Variants in UNC13C observed in about 807,000 individuals in gnomAD.
UNC13C encodes the protein unc-13 homolog C.
In UNC13C, 174 loss-of-function variants were observed where a neutral mutation model predicts 245.4. That is an observed-to-expected ratio of 0.71 (90% CI 0.63 to 0.80). The LOEUF is 0.80. Among genes scored for constraint, UNC13C ranks in the 30% least tolerant of loss-of-function variants. UNC13C has a pLI of 0.00. For synonymous variants in UNC13C, 992 were observed against 895.1 expected (o/e 1.11, Z -1.93); for missense variants, 2,829 against 2,602.9 (o/e 1.09, Z -1.89).
At chr15:54,500,703 G>A (rs1894168410) in intron 21 of UNC13C, 132 bp from the exon 22 acceptor site, 2 of 701,724 alleles carry the variant, frequency 2.9e-6, no homozygotes, top group Admixed American at 3.0e-5. Flanking sequence ...TTTTAAAGTG[G>A]GTAAGCATTT....
chr15:54,551,367 A>G (rs150035055), intron 28 of UNC13C, among the ~76,000 whole-genome samples: 110 of 152,198 alleles, frequency 7.2e-4, no homozygotes, highest in African/African-American at 2.6e-3. Flanking sequence ...TATGATCACC[A>G]TTCCCAAACC....
At chr15:54,484,437 C>T (rs1307382350) in intron 19 of UNC13C, among the ~76,000 whole-genome samples, 2 of 152,230 alleles carry the variant, frequency 1.3e-5, no homozygotes, top group South Asian at 4.2e-4. Context: ...ATTTTAAAAC[C>T]ATGAGCTGAA....
chr15:54,586,113 G>C (rs981126281), intron 30 of UNC13C, among the ~76,000 whole-genome samples: 2 of 152,082 alleles, frequency 1.3e-5, no homozygotes, highest in Admixed American at 6.5e-5. Context: ...CAGTATCCTT[G>C]GGTCTTAAAA....
rs138063877 is a variant in UNC13C at position 54,608,111 on chromosome 15, G to A, written c.6107-14216G>A. ...GGATAAGTCAGAAAACTGAAATCATGTCTATGTATTCCAGGTCTTTTTCCA... is the reference window on the plus strand; with the variant it reads ...GGATAAGTCAGAAAACTGAAATCATATCTATGTATTCCAGGTCTTTTTCCA... On this transcript the variant is annotated intron_variant, in intron 30 of 32. Transcript: ENST00000260323. Among the ~76,000 whole-genome samples the A allele has an allele frequency of 2.1e-3, 316 of 152,082 alleles. 4 individuals carry two copies. The Middle Eastern group carries it at 0.027, about 13-fold the overall frequency.
At chr15:54,006,436 A>T (rs1566943886) in intron 1 of UNC13C, among the ~76,000 whole-genome samples, 2 of 152,154 alleles carry the variant, frequency 1.3e-5, no homozygotes, top group Admixed American at 1.3e-4. Flanking sequence ...TGATTTGATC[A>T]TTTTTGTTGA....
intron 8 of UNC13C, among the ~76,000 whole-genome samples, chr15:54,257,434 C>T (rs767978265): frequency 4.6e-5 from 7 of 152,118 alleles, no homozygotes; most frequent in East Asian, 1.9e-4. Flanking sequence ...TGCTTGTTTT[C>T]GAACTTGTTC....
intron 2 of UNC13C, among the ~76,000 whole-genome samples, chr15:54,085,044 A>G (rs1204919871): frequency 1.3e-5 from 2 of 152,190 alleles, no homozygotes; most frequent in African/African-American, 4.8e-5. Flanking sequence ...TGTCCAAATT[A>G]TTATGATAAG....
chr15:53,891,569 A>T, the UNC13C span, among the ~76,000 whole-genome samples: 1 of 152,112 alleles, frequency 6.6e-6, no homozygotes, highest in Non-Finnish European at 1.5e-5. Context: ...TATATTTAAG[A>T]TAGTTAGCTC....
In UNC13C at chr15:53,993,984, C is replaced by A. The variant is rs116496928; in HGVS notation, c.-257+15057C>A. 2.1e-3 allele frequency among the ~76,000 whole-genome samples: 325 copies of A among 152,044 alleles called. 2 individuals carry two copies. The highest frequency in any genetic ancestry group is 7.5e-3 in the African/African-American group (312 of 41,470). ...GGATAGACATTGTATATTTTTACCCCTGTGCTTATTATAGGTATAAAAAAT... is the reference window on the plus strand; with the variant it reads ...GGATAGACATTGTATATTTTTACCCATGTGCTTATTATAGGTATAAAAAAT... On this transcript the variant is annotated intron_variant, in intron 1 of 32. Transcript: ENST00000260323.
At chr15:54,322,230 C>G in intron 14 of UNC13C, 135 bp downstream of exon 14, 2 of 750,556 alleles carry the variant, frequency 2.7e-6, no homozygotes, top group South Asian at 6.0e-5. Context: ...TGGGTTCCAG[C>G]TCAAAGTTCA....
intron 14 of UNC13C, among the ~76,000 whole-genome samples, chr15:54,324,592 A>C (rs974700416): frequency 6.6e-6 from 1 of 151,910 alleles, no homozygotes; most frequent in African/African-American, 2.4e-5. Flanking sequence ...TTTTTTTTAA[A>C]ATGTGATTTT....
In UNC13C at chr15:54,014,626, G is replaced by A. The variant is rs1399478367; in HGVS notation, c.1723G>A (p.Gly575Arg). 1.2e-6 allele frequency: 2 copies of A among 1,613,698 alleles called. No individual in the cohort carries two copies. Among genetic ancestry groups the A allele is most frequent in the East Asian group, 2.2e-5 (1 of 44,882 alleles). The stretch of plus-strand genomic sequence containing the variant: ...AAATCAGTTTTTCACTAGAACTAAT[G>A]GAAGCTCTCTCCTGTCATCTTCGGA... The part of the protein sequence containing the change: ...SENQFFTRTN[G>R]SSLLSSSDRE... Residue 575 changes from glycine to arginine, a missense_variant, in exon 2 of 33, where the codon GGA becomes AGA. Gly to Arg is a moderately radical substitution (Grantham distance 125, BLOSUM62 -2). Coordinates refer to ENST00000260323, the MANE Select transcript of UNC13C (RefSeq NM_001080534.3).
chr15:54,061,219 T>C (rs986597847), intron 2 of UNC13C, among the ~76,000 whole-genome samples: 2 of 151,090 alleles, frequency 1.3e-5, no homozygotes, highest in East Asian at 3.9e-4. Flanking sequence ...CTAGAAAGGA[T>C]TGGTACTAGA....
At chr15:54,177,011 T>C (rs10083599) in intron 4 of UNC13C, among the ~76,000 whole-genome samples, 16,145 of 152,042 alleles carry the variant, frequency 0.11, 1,447 homozygotes, top group African/African-American at 0.24. Flanking sequence ...GCATATGTGA[T>C]TGGGTTCCCT....
intron 17 of UNC13C, among the ~76,000 whole-genome samples, chr15:54,342,964 T>G (rs1297126229): frequency 6.6e-6 from 1 of 152,164 alleles, no homozygotes; most frequent in Admixed American, 6.5e-5. Flanking sequence ...GGTGCTCACT[T>G]GTACTTTCCC....
intron 13 of UNC13C, among the ~76,000 whole-genome samples, chr15:54,311,429 A>T (rs1356825405): frequency 6.6e-6 from 1 of 151,758 alleles, no homozygotes; most frequent in Non-Finnish European, 1.5e-5. Context: ...TTTGCTGATT[A>T]ATTAGCTCAC....
At chr15:53,915,008 G>A in the UNC13C span, among the ~76,000 whole-genome samples, 1 of 152,200 alleles carries the variant, frequency 6.6e-6, no homozygotes, top group African/African-American at 2.4e-5. Flanking sequence ...GCCGGGGAAT[G>A]TCATAATGGA....
intron 11 of UNC13C, 33 bp from the exon 12 acceptor site, chr15:54,297,778 C>A: frequency 6.8e-7 from 1 of 1,462,986 alleles, no homozygotes; most frequent in Non-Finnish European, 9.5e-7. Flanking sequence ...TATTGTCAGA[C>A]ATGACTGACC....
At chr15:54,579,728 C>T (rs1024595637) in intron 30 of UNC13C, among the ~76,000 whole-genome samples, 23 of 152,212 alleles carry the variant, frequency 1.5e-4, no homozygotes, top group African/African-American at 5.3e-4. Flanking sequence ...CACTGCACTC[C>T]AGCCTGGGCG....
Sources: allele counts gnomAD v4.1 joint callset (sites outside exome capture counted in the v4.1 genomes callset), GRCh38; gene constraint gnomAD v4.1.1; transcripts MANE v1.5; gene names NCBI Gene and HGNC (gene_info 2026-07-23, HGNC 2026-07-21).